Variants in PIEZO2 observed in about 807,000 individuals in gnomAD.
The protein encoded by PIEZO2 is piezo type mechanosensitive ion channel component 2.
Under a neutral mutation model 337.3 loss-of-function variants are expected in PIEZO2, and 172 were observed. The observed-to-expected ratio is 0.51, with a 90% CI of 0.45 to 0.58. The LOEUF (loss-of-function observed/expected upper bound fraction) is 0.58, where lower values mean the gene tolerates loss of function less well. Ranked by LOEUF, PIEZO2 falls within the 20% of genes least tolerant of loss-of-function variation. PIEZO2 has a pLI of 0.00. For missense variants in PIEZO2, 3,028 were observed against 3,391.3 expected, an observed-to-expected ratio of 0.89 and a Z score of 2.66; for synonymous variants, 1,251 against 1,228.5, an observed-to-expected ratio of 1.02 and a Z score of -0.38.
At chr18:11,074,005 C>G (rs551659760) in intron 1 of PIEZO2, among the ~76,000 whole-genome samples, 1 of 152,060 alleles carries the variant, frequency 6.6e-6, no homozygotes, top group African/African-American at 2.4e-5. Flanking sequence ...TGCCACCATG[C>G]CCGGCTAATT....
chr18:10,738,312 T>C (rs942317949), intron 33 of PIEZO2: 2 of 152,222 alleles, frequency 1.3e-5, no homozygotes, highest in African/African-American at 4.8e-5. Flanking sequence ...ACCCTCATTA[T>C]AGGTTCCAAA....
intron 2 of PIEZO2, among the ~76,000 whole-genome samples, chr18:11,025,894 TC>T (rs2145737188): frequency 1.3e-5 from 2 of 152,194 alleles, no homozygotes; most frequent in African/African-American, 4.8e-5. Flanking sequence ...TCAGCTTAAC[TC>T]CAGACTATAA....
chr18:10,800,646 C>T (rs534458597), intron 10 of PIEZO2, among the ~76,000 whole-genome samples, 171 bp from the exon 11 acceptor site: 1 of 152,330 alleles, frequency 6.6e-6, no homozygotes, highest in Non-Finnish European at 1.5e-5. Flanking sequence ...TTGTACATTC[C>T]CTCTCCAACT....
rs2033442179 is a variant in PIEZO2, at chr18:10,954,685, G to A, written c.286+24850C>T. Among the ~76,000 whole-genome samples the A allele has an allele frequency of 6.6e-6, 1 of 152,162 alleles. No homozygotes were observed. Among genetic ancestry groups the A allele is most frequent in the East Asian group, 1.9e-4 (1 of 5,188 alleles). ...TCGAAGTCCACTGCAGTCCACTTTT[G>A]GGACTGGTTGCCATGGTGATGGCTG... On this transcript the variant is annotated intron_variant, in intron 3 of 55. Transcript: ENST00000674853. This position sits in a 1 kb window ranked among gnomAD's most constrained non-coding sequence, Gnocchi z 4.2.
At chr18:11,140,154 C>A (rs1014015985) in intron 1 of PIEZO2, among the ~76,000 whole-genome samples, 1 of 152,188 alleles carries the variant, frequency 6.6e-6, no homozygotes, top group Non-Finnish European at 1.5e-5. Context: ...TTCATGGACA[C>A]CTGAGGCTCC....
intron 21 of PIEZO2, 71 bp downstream of exon 21, chr18:10,770,077 C>G (rs2038534387): frequency 1.4e-6 from 2 of 1,458,978 alleles, no homozygotes; most frequent in Middle Eastern, 1.8e-4. Flanking sequence ...AAATCATGGA[C>G]AGCTGGAAAA....
rs2041661097 is a variant in PIEZO2 at position 10,854,964 on chromosome 18, ACGC to A, written c.917+386_917+388del. Among the ~76,000 whole-genome samples, 5 of 152,114 alleles carry A rather than the reference ACGC, an allele frequency of 3.3e-5. No individual in the cohort carries two copies. Among genetic ancestry groups the A allele is most frequent in the Non-Finnish European group, 7.4e-5 (5 of 67,980 alleles). Reference sequence around the variant, plus strand: ...CTTTTACAATTAGTTAATGTTTCTGACGCTTAATTTGTTCTCGTATATTAGGCC... The same window carrying A: ...CTTTTACAATTAGTTAATGTTTCTGATTAATTTGTTCTCGTATATTAGGCC... On this transcript the variant is annotated intron_variant, in intron 7 of 55. Coordinates refer to ENST00000674853, the MANE Select transcript of PIEZO2 (RefSeq NM_001378183.1). This position sits in a 1 kb window ranked among gnomAD's most constrained non-coding sequence, Gnocchi z 4.6.
chr18:11,071,633 G>T (rs931353283), intron 1 of PIEZO2, among the ~76,000 whole-genome samples: 6 of 152,202 alleles, frequency 3.9e-5, no homozygotes, highest in Non-Finnish European at 7.3e-5. Context: ...AGGGAGGCTT[G>T]CAGGGGAAAG....
chr18:10,749,513 A>T (rs2037564716), intron 29 of PIEZO2, among the ~76,000 whole-genome samples: 1 of 152,106 alleles, frequency 6.6e-6, no homozygotes, highest in Non-Finnish European at 1.5e-5. Context: ...TAGAGAGAGC[A>T]CTGTGTCCAA....
chr18:11,050,680 G>C (rs1353647888), intron 2 of PIEZO2, among the ~76,000 whole-genome samples: 2 of 151,880 alleles, frequency 1.3e-5, no homozygotes, highest in African/African-American at 2.4e-5. Context: ...AAGTTAACTT[G>C]ATCTGCTAAA....
At chr18:11,040,127 C>A (rs2037066561) in intron 2 of PIEZO2, among the ~76,000 whole-genome samples, 1 of 150,406 alleles carries the variant, frequency 6.6e-6, no homozygotes, top group Non-Finnish European at 1.5e-5. Flanking sequence ...AAAAAGGCTT[C>A]ATATCAGCTA....
rs1421813989 is a variant in PIEZO2, at chr18:10,750,053, T to G, written c.4264+38A>C. The G allele has an allele frequency of 7.1e-7, 1 of 1,414,062 alleles. No homozygotes were observed. Among genetic ancestry groups the G allele is most frequent in the East Asian group, 2.5e-5 (1 of 40,306 alleles). The allele number at this position is 1,414,062 out of a possible 1,614,324, so 87.6% of individuals were successfully genotyped here. On this transcript the variant is annotated intron_variant, in intron 29 of 55. Transcript: ENST00000674853. This position sits in a 1 kb window ranked among gnomAD's most constrained non-coding sequence, Gnocchi z 4.1. Reference sequence around the variant, plus strand: ...AGAACAATACAACTATCCTCCCTCTTCTGCCTTTCTGCCTTCACACTTGCT... The same window carrying G: ...AGAACAATACAACTATCCTCCCTCTGCTGCCTTTCTGCCTTCACACTTGCT...
In PIEZO2 at chr18:11,009,887, G is replaced by A. The variant is rs557510851; in HGVS notation, c.161-30227C>T. 6.6e-6 allele frequency among the ~76,000 whole-genome samples: 1 copy of A among 152,188 alleles called. No individual in the cohort carries two copies. The highest frequency in any genetic ancestry group is 2.4e-5 in the African/African-American group (1 of 41,536). On this transcript the variant is annotated intron_variant, in intron 2 of 55. Coordinates refer to ENST00000674853, the MANE Select transcript of PIEZO2 (RefSeq NM_001378183.1). The surrounding 1 kb of genome is among the most constrained non-coding windows in gnomAD (Gnocchi z 4.6). ...ACACAAAGAGAAGACAGCCATCTGC[G>A]AGCCAAAGAGAGAGGCCTCAGGAGA... is the stretch of plus-strand genomic sequence containing the variant.
intron 2 of PIEZO2, among the ~76,000 whole-genome samples, chr18:11,018,434 T>TGTGTGTGTGTGTG (rs1215513468): frequency 1.1e-4 from 14 of 124,992 alleles, no homozygotes; most frequent in South Asian, 7.6e-4. Context: ...TGTGTGTGTG[T>TGTGTGTGTGTGTG]TGAAATAAAG....
intron 2 of PIEZO2, among the ~76,000 whole-genome samples, chr18:11,011,457 G>T (rs1258865145): frequency 6.6e-6 from 1 of 151,998 alleles, no homozygotes; most frequent in Non-Finnish European, 1.5e-5. Flanking sequence ...GTATATTTAT[G>T]CTTAAAAATA....
chr18:10,828,253 T>C lies in PIEZO2; in HGVS notation c.918-20979A>G, dbSNP rs893955049. 2.6e-5 allele frequency among the ~76,000 whole-genome samples: 4 copies of C among 152,124 alleles called. No individual in the cohort carries two copies. Among genetic ancestry groups the C allele is most frequent in the African/African-American group, 7.2e-5 (3 of 41,436 alleles). ...TTGAAGTACTATTTGATAGAAAATTTTCCCTATCTTCTTAAAAGCTTGTCA... is the reference window on the plus strand; with the variant it reads ...TTGAAGTACTATTTGATAGAAAATTCTCCCTATCTTCTTAAAAGCTTGTCA... On this transcript the variant is annotated intron_variant, in intron 7 of 55. Transcript: ENST00000674853. The surrounding 1 kb of genome is among the most constrained non-coding windows in gnomAD (Gnocchi z 4.1).
At position 10,796,934 on chromosome 18, in the gene PIEZO2, T is replaced by A. The variant is rs578123012; in HGVS notation, c.1527+440A>T. Among the ~76,000 whole-genome samples the A allele has an allele frequency of 5.3e-5, 8 of 152,286 alleles. No individual in the cohort carries two copies. The South Asian group carries it at 1.7e-3, about 32-fold the overall frequency. The stretch of plus-strand genomic sequence containing the variant: ...CTTACATACCATCATATATGTACTA[T>A]CATGTCATATCATACATACCATCAT... On this transcript the variant is annotated intron_variant, in intron 12 of 55. Transcript: ENST00000674853.
At chr18:10,936,377 G>T (rs1400376596) in intron 3 of PIEZO2, among the ~76,000 whole-genome samples, 1 of 152,080 alleles carries the variant, frequency 6.6e-6, no homozygotes, top group Non-Finnish European at 1.5e-5. Flanking sequence ...CTGGAGTCTG[G>T]CCTCATTGAG....
chr18:10,772,490 A>T (rs571068170), intron 20 of PIEZO2, among the ~76,000 whole-genome samples: 63 of 152,346 alleles, frequency 4.1e-4, no homozygotes, highest in African/African-American at 1.4e-3. Flanking sequence ...CAATGCTCAG[A>T]TATGGAGAGA....
Sources: allele counts gnomAD v4.1 joint callset (sites outside exome capture counted in the v4.1 genomes callset), GRCh38; gene constraint gnomAD v4.1.1; non-coding constraint Gnocchi (gnomAD v3.1); transcripts MANE v1.5; gene names NCBI Gene and HGNC (gene_info 2026-07-23, HGNC 2026-07-21).